NAA15: variants seen among roughly 807,000 people sequenced by gnomAD.
NAA15 encodes the protein N-alpha-acetyltransferase 15, NatA auxiliary subunit.
A neutral mutation model predicts 114.0 loss-of-function variants in NAA15; 34 were observed. The observed-to-expected ratio is 0.30, with a 90% CI of 0.23 to 0.40. The LOEUF is 0.40. NAA15 is among the 10% of genes least tolerant of loss of function. The probability of loss-of-function intolerance (pLI) is 1.00; values close to 1 mark genes in which losing one functional copy is unlikely to be tolerated. For synonymous variants in NAA15, 340 were observed against 338.0 expected, an observed-to-expected ratio of 1.01 and a Z score of -0.06; for missense variants, 658 against 1,004.5, an observed-to-expected ratio of 0.66 and a Z score of 4.66.
At chr4:139,338,144 GT>G (rs949395585) in intron 3 of NAA15, among the ~76,000 whole-genome samples, 2 of 152,178 alleles carry the variant, frequency 1.3e-5, no homozygotes, top group African/African-American at 2.4e-5. Context: ...TTGTGTGGCT[GT>G]TGCAATATTT....
At chr4:139,311,721 A>C (rs1746230250) in intron 1 of NAA15, among the ~76,000 whole-genome samples, 1 of 151,908 alleles carries the variant, frequency 6.6e-6, no homozygotes, top group African/African-American at 2.4e-5. Context: ...ATAAAGCTTT[A>C]CAACCGATTC....
Position 139,349,572 on chromosome 4 carries a change from C to G in NAA15, c.802C>G (p.Leu268Val), listed in dbSNP as rs201840389. 2.5e-6 allele frequency: 4 copies of G among 1,606,882 alleles called. No homozygotes were observed. Among genetic ancestry groups the G allele is most frequent in the Non-Finnish European group, 2.5e-6 (3 of 1,178,220 alleles). ...WAYYKGLEKA[L>V]KPANMLERLK... is the part of the protein sequence containing the mutation. ...CTATTACAAAGGCTTGGAAAAAGCACTCAAGCCAGGTAGTATTGTTTAAAA... is the reference window on the plus strand; with the variant it reads ...CTATTACAAAGGCTTGGAAAAAGCAGTCAAGCCAGGTAGTATTGTTTAAAA... The change falls in exon 7 of 20, where the codon CTC becomes GTC. Residue 268 changes from leucine to valine, a missense_variant. This residue lies in a region of NAA15 where 281 missense variants were observed against 389.1 expected (regional missense o/e 0.72). Transcript: ENST00000296543.
rs1748987647 is a variant in NAA15, at chr4:139,389,251, C to T, written c.*1167C>T. 1 of 123,192 alleles carries T rather than the reference C, an allele frequency of 8.1e-6. No individual in the cohort carries two copies. Among genetic ancestry groups the T allele is most frequent in the Non-Finnish European group, 1.7e-5 (1 of 59,762 alleles). 7.6% of individuals were successfully genotyped at this position (123,192 alleles called of 1,614,324 possible). On this transcript the variant is annotated 3_prime_UTR_variant, in exon 20 of 20. Coordinates refer to ENST00000296543, the MANE Select transcript of NAA15 (RefSeq NM_057175.5). ...GACCAGCTTCTTTTTCTTGCAGTTA[C>T]AGATGTAATTTCCTTTTTGTTGTCA... is the stretch of plus-strand genomic sequence containing the variant.
chr4:139,344,426 A>AT, intron 6 of NAA15, 87 bp downstream of exon 6: 1 of 1,087,664 alleles, frequency 9.2e-7, no homozygotes, highest in East Asian at 2.4e-5. Flanking sequence ...ACAGTTTCAT[A>AT]TAATTCAGCT....
rs2110827506 is a variant in NAA15, at chr4:139,308,619, A to G, written c.54+6788A>G. Among the ~76,000 whole-genome samples the G allele has an allele frequency of 1.3e-5, 2 of 152,262 alleles. 1 individual carries two copies. The highest frequency in any genetic ancestry group is 4.1e-4 in the South Asian group (2 of 4,826). ...TCATAAGTTTATTTATTTTTTTGAG[A>G]TGGAGTCTCACTTTTGTCGTCCAGG... On this transcript the variant is annotated intron_variant, in intron 1 of 19. Transcript: ENST00000296543.
At chr4:139,345,627 A>G (rs1022128732) in intron 6 of NAA15, among the ~76,000 whole-genome samples, 1 of 152,168 alleles carries the variant, frequency 6.6e-6, no homozygotes, top group East Asian at 1.9e-4. Flanking sequence ...AAGTCTATTT[A>G]AAAGAGACTG....
rs1365269378 is a variant in NAA15, at chr4:139,359,787, C to G, written c.1302C>G (p.Ala434=). Residue 434 remains alanine, a synonymous_variant, in exon 12 of 20, where the codon GCC becomes GCG. Coordinates refer to ENST00000296543, the MANE Select transcript of NAA15 (RefSeq NM_057175.5). ...IKEAARWMDE[A]QALDTADRFI... is the part of the protein sequence containing the mutation. ...AAGCTGCAAGGTGGATGGATGAGGC[C>G]CAGGCCTTGGACACAGCAGACAGAT... 2 of 1,607,162 alleles carry G rather than the reference C, an allele frequency of 1.2e-6. No individual in the cohort carries two copies. The highest frequency in any genetic ancestry group is 1.6e-4 in the Middle Eastern group (1 of 6,072).
chr4:139,338,969 C>T (rs1434130441), intron 3 of NAA15, among the ~76,000 whole-genome samples: 2 of 151,968 alleles, frequency 1.3e-5, no homozygotes, highest in African/African-American at 4.8e-5. Flanking sequence ...TGCCACCATA[C>T]CTGGGTGTTT....
intron 1 of NAA15, among the ~76,000 whole-genome samples, chr4:139,304,713 A>C (rs1745950515): frequency 6.6e-6 from 1 of 152,144 alleles, no homozygotes; most frequent in African/African-American, 2.4e-5. Flanking sequence ...AGCTGACTGT[A>C]TTTACTTCTA....
At chr4:139,367,261 G>C (rs1386345464) in intron 14 of NAA15, among the ~76,000 whole-genome samples, 1 of 152,168 alleles carries the variant, frequency 6.6e-6, no homozygotes, top group Non-Finnish European at 1.5e-5. Flanking sequence ...ATAGTTCTTT[G>C]ATGAGGACCC....
At position 139,389,194 on chromosome 4, in the gene NAA15, A is replaced by ATTTTTTTTTTTTT. The variant is rs71600201; in HGVS notation, c.*1120_*1132dup. 8.8e-6 allele frequency: 1 copy of ATTTTTTTTTTTTT among 113,356 alleles called. No individual in the cohort carries two copies. Among genetic ancestry groups the ATTTTTTTTTTTTT allele is most frequent in the Non-Finnish European group, 1.8e-5 (1 of 55,894 alleles). 7.0% of individuals were successfully genotyped at this position (113,356 alleles called of 1,614,324 possible). ...CTTTGTAATTTTTAAAGGGCCCAAG[A>ATTTTTTTTTTTTT]TTTTTTTTTTTTTTTTTTTTTTCAA... On this transcript the variant is annotated 3_prime_UTR_variant, in exon 20 of 20. Transcript: ENST00000296543.
chr4:139,341,061 G>A lies in NAA15; in HGVS notation c.394G>A (p.Gly132Ser). 1 of 1,552,724 alleles carries A rather than the reference G, an allele frequency of 6.4e-7. No homozygotes were observed. Among genetic ancestry groups the A allele is most frequent in the Non-Finnish European group, 8.7e-7 (1 of 1,154,748 alleles). Reference sequence around the variant, plus strand: ...ACAGATTCAAATGCGAGATCTTGAGGGTTACAGGGTAAGTAAAATAGAGAC... The same window carrying A: ...ACAGATTCAAATGCGAGATCTTGAGAGTTACAGGGTAAGTAAAATAGAGAC... ...LLQIQMRDLEGYRETRYQLLQ... is the reference protein window; with the variant it reads ...LLQIQMRDLESYRETRYQLLQ... Residue 132 changes from glycine (G) to serine (S), a missense_variant, in exon 4 of 20, where the codon GGT (glycine) becomes AGT (serine). Gly to Ser is a moderately conservative substitution (Grantham distance 56). This residue lies in a region of NAA15 where 75 missense variants were observed against 172.3 expected (regional missense o/e 0.44). Coordinates refer to ENST00000296543, the MANE Select transcript of NAA15 (RefSeq NM_057175.5).
chr4:139,312,308 A>G (rs1746250291), intron 1 of NAA15, among the ~76,000 whole-genome samples: 1 of 151,874 alleles, frequency 6.6e-6, no homozygotes, highest in Non-Finnish European at 1.5e-5. Context: ...GTGTGGAAGG[A>G]ATTTTATGCT....
chr4:139,384,955 A>T lies in NAA15; in HGVS notation c.2279A>T (p.Asp760Val), dbSNP rs763634090. The part of the protein sequence containing the change: ...FNETFLKRNS[D>V]SLPHRLSAAK... ...GAAACTTTTCTGAAAAGGAATTCTG[A>T]TTCATTGCCACACAGATTATCAGGT... Residue 760 changes from aspartate (D) to valine (V), a missense_variant, in exon 18 of 20, where the codon GAT becomes GTT. Physicochemically the swap from Asp to Val is radical, Grantham distance 152 (BLOSUM62 -3). This residue lies in a region of NAA15 where 275 missense variants were observed against 371.1 expected (regional missense o/e 0.74). Coordinates refer to ENST00000296543, the MANE Select transcript of NAA15 (RefSeq NM_057175.5). The T allele has an allele frequency of 6.4e-7, 1 of 1,569,250 alleles. No homozygotes were observed. Among genetic ancestry groups the T allele is most frequent in the East Asian group, 2.3e-5 (1 of 43,682 alleles).
At chr4:139,337,463 G>A (rs1344564230) in intron 3 of NAA15, among the ~76,000 whole-genome samples, 1 of 152,128 alleles carries the variant, frequency 6.6e-6, no homozygotes. Context: ...TTCTTCATGT[G>A]TAAAATGGGG....
Position 139,341,610 on chromosome 4 carries a change from A to AAAAAAAG in NAA15, c.402+547_402+548insGAAAAAA, listed in dbSNP as rs1553995196. Among the ~76,000 whole-genome samples, 475 of 149,298 alleles carry AAAAAAAG rather than the reference A, an allele frequency of 3.2e-3. 11 individuals are homozygous for AAAAAAAG. The highest frequency in any genetic ancestry group is 0.012 in the African/African-American group (460 of 39,804). On this transcript the variant is annotated intron_variant, in intron 4 of 19. Transcript: ENST00000296543. The stretch of plus-strand genomic sequence containing the variant: ...CTCTGTCTCAAAAAAAAAAAAAAAA[A>AAAAAAAG]AAAAAAAAAGAAAATCAGTACTCCT...
intron 1 of NAA15, among the ~76,000 whole-genome samples, chr4:139,310,929 A>ATTTT (rs1746203567): frequency 1.5e-5 from 2 of 129,386 alleles, no homozygotes; most frequent in Admixed American, 7.2e-5. Context: ...TAATTTAAAA[A>ATTTT]ATTTTGAGAC....
At chr4:139,343,241 C>T (rs1257756760) in intron 5 of NAA15, among the ~76,000 whole-genome samples, 1 of 152,106 alleles carries the variant, frequency 6.6e-6, no homozygotes, top group Admixed American at 6.5e-5. Context: ...CCCCTAAATG[C>T]TTTAGTGTGT....
At chr4:139,315,051 G>GTTAGGTTAGGTTAGTTTAGT (rs1553992557) in intron 1 of NAA15, among the ~76,000 whole-genome samples, 1,266 of 112,314 alleles carry the variant, frequency 0.011, 30 homozygotes, top group Admixed American at 0.031. Context: ...GTTAGGTTAG[G>GTTAGGTTAGGTTAGTTTAGT]TTAGTTTAGT....
Sources: gnomAD v4.1 joint callset for allele counts (sites outside exome capture counted in the v4.1 genomes callset) on GRCh38, gnomAD v4.1.1 for gene constraint, gnomAD v4.1.1 regional missense constraint, MANE v1.5 for transcripts, NCBI Gene and HGNC (gene_info 2026-07-23, HGNC 2026-07-21) for gene names.